The following ETV4 variants were observed in gnomAD, a reference collection of about 807,000 sequenced individuals.
ETV4 encodes the protein ETS variant transcription factor 4.
Under a neutral mutation model 65.9 loss-of-function variants are expected in ETV4, and 42 were observed. The ratio of observed to expected loss-of-function variants is 0.64; its 90% confidence interval spans 0.50 to 0.82. The LOEUF is 0.82. Among genes scored for constraint, ETV4 ranks in the 40% least tolerant of loss-of-function variants. The pLI is 0.00. For missense variants in ETV4, 583 were observed against 630.3 expected (o/e 0.92, Z 0.80); for synonymous variants, 238 against 260.0 (o/e 0.92, Z 0.81).
intron 8 of ETV4, among the ~76,000 whole-genome samples, chr17:43,532,235 C>A (rs1970979386): frequency 6.6e-6 from 1 of 152,158 alleles, no homozygotes; most frequent in African/African-American, 2.4e-5. Flanking sequence ...TGAGGTGGCT[C>A]ATGTCTATAA....
At chr17:43,535,355 G>T (rs1176744831) in intron 5 of ETV4, among the ~76,000 whole-genome samples, 2 of 152,118 alleles carry the variant, frequency 1.3e-5, no homozygotes, top group East Asian at 3.9e-4. Context: ...TTGCCTCACT[G>T]CAACCTCCGC....
At position 43,532,769 on chromosome 17, in the gene ETV4, T is replaced by A. The variant is rs781057795; in HGVS notation, c.716A>T (p.Gln239Leu). The A allele has an allele frequency of 6.2e-7, 1 of 1,613,942 alleles. No homozygotes were observed. The highest frequency in any genetic ancestry group is 1.3e-5 in the African/African-American group (1 of 74,884). ...YHDPLYEQAGQPAVDQGGVNG... is the reference protein window; with the variant it reads ...YHDPLYEQAGLPAVDQGGVNG... Reference sequence around the variant, plus strand: ...GACCCCACCCTGGTCCACGGCTGGCTGGCCCGCCTGTTCATACAGGGGATC... The same window carrying A: ...GACCCCACCCTGGTCCACGGCTGGCAGGCCCGCCTGTTCATACAGGGGATC... Residue 239 changes from glutamine to leucine, a missense_variant, in exon 8 of 13, where the codon CAG (glutamine) becomes CTG (leucine). Coordinates refer to ENST00000319349, the MANE Select transcript of ETV4 (RefSeq NM_001079675.5).
chr17:43,533,216 G>A lies in ETV4; in HGVS notation c.516C>T (p.His172=), dbSNP rs1317607842. The change falls in exon 7 of 13, where the codon CAC becomes CAT. Residue 172 remains histidine, a synonymous_variant. Transcript: ENST00000319349. ...GTTCCCCGAGGTACCCATGGCCAGG[G>A]TGGGGCTGGGAGGTGCCAGAGGATC... The part of the protein sequence containing the change: ...FLRSSGTSQP[H]PGHGYLGEHS... The A allele has an allele frequency of 1.2e-6, 2 of 1,613,336 alleles. No homozygotes were observed. Among genetic ancestry groups the A allele is most frequent in the Non-Finnish European group, 1.7e-6 (2 of 1,179,768 alleles).
intron 8 of ETV4, among the ~76,000 whole-genome samples, chr17:43,531,125 T>G (rs570057374): frequency 1.4e-4 from 22 of 152,288 alleles, no homozygotes; most frequent in South Asian, 8.3e-4. Flanking sequence ...GGTTCTTAGT[T>G]GGACAGCCTG....
At position 43,528,237 on chromosome 17, in the gene ETV4, G is replaced by A; in HGVS notation, c.*282C>T. ...TGTTCTCTGTGGTTGGGGAAAAGGT[G>A]TGGGGGGCTTGGACCTAGGAAGAAG... is the stretch of plus-strand genomic sequence containing the variant. On this transcript the variant is annotated 3_prime_UTR_variant, in exon 13 of 13. Transcript: ENST00000319349. 2.8e-6 allele frequency: 1 copy of A among 363,318 alleles called. No homozygotes were observed. The allele number at this position is 363,318 out of a possible 1,614,324, so 22.5% of individuals were successfully genotyped here.
At chr17:43,543,534 A>C (rs1043778250) in intron 4 of ETV4, among the ~76,000 whole-genome samples, 5 of 152,160 alleles carry the variant, frequency 3.3e-5, no homozygotes, top group Admixed American at 2.6e-4. Flanking sequence ...ACAGGCAAGG[A>C]ATGAAGCCCG....
intron 8 of ETV4, among the ~76,000 whole-genome samples, chr17:43,530,757 C>T (rs1210546394): frequency 6.6e-6 from 1 of 152,080 alleles, no homozygotes; most frequent in East Asian, 1.9e-4. Flanking sequence ...AGGATAGGAA[C>T]CTTCCCACTC....
intron 1 of ETV4, chr17:43,545,983 G>GTGTGTGTGTA: frequency 2.2e-5 from 5 of 227,268 alleles, no homozygotes; most frequent in Admixed American, 5.7e-5. Context: ...GTGTGTGTAC[G>GTGTGTGTGTA]CGCGCGCGCG....
Position 43,528,522 on chromosome 17 carries a change from G to T in ETV4, c.1452C>A (p.Tyr484Ter), listed in dbSNP as rs763477409. The change falls in exon 13 of 13, where the codon TAC becomes TAA. Residue 484 changes from tyrosine (Y) to a stop codon, truncating the protein, a stop_gained. Transcript: ENST00000319349. LOFTEE classifies it high-confidence loss of function. ...CAGGGGGAACAGCCGCTGGGGGCTA[G>T]TAAGAGTAGCCACCCTTGGGGCCAA... is the stretch of plus-strand genomic sequence containing the variant. ...QPFGPKGGYS[Y>*] 5 of 1,603,124 alleles carry T rather than the reference G, an allele frequency of 3.1e-6. No homozygotes were observed. Among genetic ancestry groups the T allele is most frequent in the East Asian group, 4.5e-5 (2 of 44,724 alleles).
In ETV4 at chr17:43,545,194, C is replaced by CGTGTGTGTGTGTGTGTGTGT. The variant is rs34640745; in HGVS notation, c.154+60_154+79dup. The CGTGTGTGTGTGTGTGTGTGT allele has an allele frequency of 6.8e-5, 43 of 636,754 alleles. No homozygotes were observed. The African/African-American group carries it at 6.8e-4, about 10-fold the overall frequency. The allele number at this position is 636,754 out of a possible 1,614,324, so 39.4% of individuals were successfully genotyped here. Reference sequence around the variant, plus strand: ...AACAGGCGGGGGTTCCAGAATCGGCCGTGTGTGTGTGTGTGTGTGTGTGTG... The same window carrying CGTGTGTGTGTGTGTGTGTGT: ...AACAGGCGGGGGTTCCAGAATCGGCCGTGTGTGTGTGTGTGTGTGTGTGTGTGTGTGTGTGTGTGTGTGTG... On this transcript the variant is annotated intron_variant, in intron 3 of 12. Transcript: ENST00000319349.
Position 43,545,382 on chromosome 17 carries a change from G to C in ETV4, c.61-15C>G, listed in dbSNP as rs1971758151. The C allele has an allele frequency of 6.4e-7, 1 of 1,565,572 alleles. No homozygotes were observed. The highest frequency in any genetic ancestry group is 1.4e-5 in the African/African-American group (1 of 74,052). ...CCGGGCGATTTCTGCGAGAAGCGGGGAGAATGCCCGCGAGTCACCCTGAGG... is the reference window on the plus strand; with the variant it reads ...CCGGGCGATTTCTGCGAGAAGCGGGCAGAATGCCCGCGAGTCACCCTGAGG... On this transcript the variant is annotated splice_polypyrimidine_tract_variant and intron_variant, in intron 2 of 12. Coordinates refer to ENST00000319349, the MANE Select transcript of ETV4 (RefSeq NM_001079675.5).
intron 4 of ETV4, 76 bp downstream of exon 4, chr17:43,544,899 A>C: frequency 2.2e-6 from 3 of 1,371,288 alleles, no homozygotes; most frequent in Non-Finnish European, 3.1e-6. Flanking sequence ...TGTAGGGCTT[A>C]GGGTGGAATA....
chr17:43,543,661 A>T (rs1346869312), intron 4 of ETV4, among the ~76,000 whole-genome samples: 4 of 152,134 alleles, frequency 2.6e-5, no homozygotes, highest in African/African-American at 9.7e-5. Context: ...AAGGATGGGG[A>T]GACGGGGCAA....
chr17:43,533,102 C>T, intron 7 of ETV4, 85 bp downstream of exon 7: 1 of 1,548,726 alleles, frequency 6.5e-7, no homozygotes, highest in Non-Finnish European at 8.8e-7. Context: ...CCTCTACCAC[C>T]CCACAGCTCA....
At chr17:43,541,577 T>C (rs1167271407) in intron 4 of ETV4, among the ~76,000 whole-genome samples, 3 of 152,134 alleles carry the variant, frequency 2.0e-5, no homozygotes, top group Non-Finnish European at 4.4e-5. Context: ...TCTCCCAAGC[T>C]GGATTCTGGA....
Position 43,529,665 on chromosome 17 carries a change from G to A in ETV4, c.967C>T (p.Gln323Ter). Residue 323 changes from glutamine to a stop codon, truncating the protein, a stop_gained, in exon 11 of 13, where the codon CAG becomes TAG. Coordinates refer to ENST00000319349, the MANE Select transcript of ETV4 (RefSeq NM_001079675.5). LOFTEE classifies it high-confidence loss of function. ...TCTCGAAATGCACCGACCCCTTCCT[G>A]CTTGATGTCTCCTGGGGAACACGAA... The part of the protein sequence containing the change: ...VPEKFEGDIK[Q>*]EGVGAFREGP... 1 of 1,611,972 alleles carries A rather than the reference G, an allele frequency of 6.2e-7. No homozygotes were observed. The highest frequency in any genetic ancestry group is 1.1e-5 in the South Asian group (1 of 90,866).
chr17:43,529,479 G>A (rs781628034), intron 11 of ETV4, 25 bp downstream of exon 11: 2 of 1,591,246 alleles, frequency 1.3e-6, no homozygotes, highest in Non-Finnish European at 1.7e-6. Flanking sequence ...TGGAAAGGAG[G>A]GCTGGGAACA....
intron 8 of ETV4, among the ~76,000 whole-genome samples, chr17:43,531,062 T>A (rs1199606730): frequency 6.6e-6 from 1 of 152,190 alleles, no homozygotes; most frequent in African/African-American, 2.4e-5. Flanking sequence ...CCCAGCTCAC[T>A]GCCAAGCCTG....
chr17:43,528,056 A>G lies in ETV4; in HGVS notation c.*463T>C. The G allele has an allele frequency of 4.3e-6, 1 of 234,848 alleles. No homozygotes were observed. The highest frequency in any genetic ancestry group is 8.4e-6 in the Non-Finnish European group (1 of 119,034). 14.5% of individuals were successfully genotyped at this position (234,848 alleles called of 1,614,324 possible). On this transcript the variant is annotated 3_prime_UTR_variant, in exon 13 of 13. Transcript: ENST00000319349. Reference sequence around the variant, plus strand: ...TGGGAACACAGAGCACCAAGAACTGACAAACCGGGACCCTCCAGGGCCACA... The same window carrying G: ...TGGGAACACAGAGCACCAAGAACTGGCAAACCGGGACCCTCCAGGGCCACA...
Sources: gnomAD v4.1 joint callset for allele counts (sites outside exome capture counted in the v4.1 genomes callset) on GRCh38, gnomAD v4.1.1 for gene constraint, MANE v1.5 for transcripts, NCBI Gene and HGNC (gene_info 2026-07-23, HGNC 2026-07-21) for gene names.